The following ADAMTSL3 variants were observed in gnomAD, a reference collection of about 807,000 sequenced individuals.
ADAMTSL3 encodes the protein ADAMTS-like protein 3.
A neutral mutation model predicts 201.7 loss-of-function variants in ADAMTSL3; 128 were observed. The observed-to-expected ratio is 0.63, with a 90% CI of 0.55 to 0.73. ADAMTSL3 has a LOEUF of 0.73. Ranked by LOEUF, ADAMTSL3 falls within the 30% of genes least tolerant of loss-of-function variation. The pLI, the probability that ADAMTSL3 is intolerant of heterozygous loss-of-function variation, is 0.00. For missense variants in ADAMTSL3, 1,990 were observed against 2,119.6 expected (o/e 0.94, Z 1.20); for synonymous variants, 738 against 748.4 (o/e 0.99, Z 0.23).
At chr15:83,819,059 T>C (rs1596262713) in intron 5 of ADAMTSL3, among the ~76,000 whole-genome samples, 1 of 151,824 alleles carries the variant, frequency 6.6e-6, no homozygotes. Context: ...GATCATGAGG[T>C]GGGAGAGCCA....
chr15:83,931,695 C>T (rs1028293149), intron 17 of ADAMTSL3, among the ~76,000 whole-genome samples: 17 of 152,000 alleles, frequency 1.1e-4, no homozygotes, highest in Admixed American at 9.2e-4. Flanking sequence ...TAAAAGGGGG[C>T]CTATCAAAGA....
At chr15:83,711,080 G>A (rs1488873124) in intron 3 of ADAMTSL3, among the ~76,000 whole-genome samples, 1 of 152,000 alleles carries the variant, frequency 6.6e-6, no homozygotes, top group Non-Finnish European at 1.5e-5. Flanking sequence ...TCTTTTAAAT[G>A]CCTTTTTTCT....
rs140735694 is a variant in ADAMTSL3, at chr15:83,699,886, T to G, written c.70-4503T>G. Among the ~76,000 whole-genome samples the G allele has an allele frequency of 4.3e-3, 662 of 152,332 alleles. 4 individuals carry two copies. Among genetic ancestry groups the G allele is most frequent in the African/African-American group, 0.014 (598 of 41,572 alleles). ...CCTTTTTTGACCATCTTATCTAAAA[T>G]TGAACAGTCCTCTCCCAACATTATT... On this transcript the variant is annotated intron_variant, in intron 2 of 29. Coordinates refer to ENST00000286744, the MANE Select transcript of ADAMTSL3 (RefSeq NM_207517.3).
chr15:83,965,927 A>G (rs2067074561), intron 19 of ADAMTSL3, among the ~76,000 whole-genome samples: 1 of 152,230 alleles, frequency 6.6e-6, no homozygotes, highest in Non-Finnish European at 1.5e-5. Flanking sequence ...CTGCTCCTGA[A>G]TGACTACTGG....
At chr15:84,017,008 C>T (rs1263686598) in intron 25 of ADAMTSL3, among the ~76,000 whole-genome samples, 3 of 152,260 alleles carry the variant, frequency 2.0e-5, no homozygotes, top group Non-Finnish European at 1.5e-5. Flanking sequence ...ATGCTAGAAA[C>T]GCAGGAAACC....
chr15:83,769,786 C>CT lies in ADAMTSL3; in HGVS notation c.190-3722dup, dbSNP rs763339984. On this transcript the variant is annotated intron_variant, in intron 3 of 29. Transcript: ENST00000286744. The stretch of plus-strand genomic sequence containing the variant: ...AGGTCCCTCTTTTAATTTAATTTTT[C>CT]TTTTTTTTTTTTTTTGGTTAGATGA... Among the ~76,000 whole-genome samples the CT allele has an allele frequency of 5.9e-3, 797 of 135,066 alleles. 2 individuals carry two copies. Among genetic ancestry groups the CT allele is most frequent in the African/African-American group, 0.014 (523 of 37,206 alleles). The allele number at this position is 135,066 out of a possible 152,430, so 88.6% of individuals were successfully genotyped here.
At chr15:83,905,735 T>G (rs141392778) in intron 15 of ADAMTSL3, among the ~76,000 whole-genome samples, 1 of 152,314 alleles carries the variant, frequency 6.6e-6, no homozygotes, top group East Asian at 1.9e-4. Context: ...AATTGTCTCA[T>G]TGGACATATT....
intron 27 of ADAMTSL3, among the ~76,000 whole-genome samples, chr15:84,025,982 TC>T (rs1245393982): frequency 6.6e-6 from 1 of 152,198 alleles, no homozygotes; most frequent in Non-Finnish European, 1.5e-5. Flanking sequence ...GTAATACAAT[TC>T]CTATTAACAT....
chr15:83,881,690 A>G (rs2065274348), intron 9 of ADAMTSL3, among the ~76,000 whole-genome samples: 1 of 151,602 alleles, frequency 6.6e-6, no homozygotes, highest in African/African-American at 2.4e-5. Flanking sequence ...CTGCATCTCT[A>G]CTAAAAATAC....
At chr15:83,955,658 C>T (rs2066846761) in intron 19 of ADAMTSL3, among the ~76,000 whole-genome samples, 5 of 152,184 alleles carry the variant, frequency 3.3e-5, no homozygotes. Flanking sequence ...TGGTCTTTCT[C>T]TTCAAGGCAG....
chr15:83,811,014 C>T (rs536947866), intron 5 of ADAMTSL3, among the ~76,000 whole-genome samples: 62 of 152,308 alleles, frequency 4.1e-4, no homozygotes, highest in African/African-American at 1.4e-3. Context: ...GCTGGGATTA[C>T]AGGCATGAGC....
At chr15:83,841,844 G>C (rs2064382742) in intron 7 of ADAMTSL3, among the ~76,000 whole-genome samples, 1 of 151,738 alleles carries the variant, frequency 6.6e-6, no homozygotes, top group South Asian at 2.1e-4. Flanking sequence ...AAAACCCCAA[G>C]ACCCTAGCAG....
chr15:83,804,795 C>A, intron 5 of ADAMTSL3, 100 bp downstream of exon 5: 1 of 854,124 alleles, frequency 1.2e-6, no homozygotes, highest in Non-Finnish European at 1.7e-6. Flanking sequence ...CTCTTAATAC[C>A]CTTTGTGGAA....
At chr15:83,677,878 T>G (rs2061427864) in intron 2 of ADAMTSL3, among the ~76,000 whole-genome samples, 1 of 152,050 alleles carries the variant, frequency 6.6e-6, no homozygotes, top group African/African-American at 2.4e-5. Flanking sequence ...TGCCTTCCTG[T>G]GGGTTACTTG....
At chr15:83,875,983 C>T (rs1320974825) in intron 9 of ADAMTSL3, among the ~76,000 whole-genome samples, 1 of 151,770 alleles carries the variant, frequency 6.6e-6, no homozygotes, top group Non-Finnish European at 1.5e-5. Flanking sequence ...CCTTTTCTCT[C>T]TTTTTTTCTT....
chr15:83,707,254 T>G (rs1032680776), intron 3 of ADAMTSL3, among the ~76,000 whole-genome samples: 21 of 152,338 alleles, frequency 1.4e-4, no homozygotes, highest in African/African-American at 4.8e-4. Flanking sequence ...ATCTACCTTA[T>G]GTAGGCGTTA....
chr15:83,830,110 A>G (rs976226817), intron 6 of ADAMTSL3, among the ~76,000 whole-genome samples: 3 of 152,200 alleles, frequency 2.0e-5, no homozygotes, highest in African/African-American at 7.2e-5. Flanking sequence ...TTAAGTAGAT[A>G]GATAGTGAGA....
intron 3 of ADAMTSL3, among the ~76,000 whole-genome samples, chr15:83,724,498 T>C (rs1018141646): frequency 2.6e-5 from 4 of 152,140 alleles, no homozygotes; most frequent in African/African-American, 9.7e-5. Flanking sequence ...AATAATCACA[T>C]CAGGGTAAAT....
intron 3 of ADAMTSL3, among the ~76,000 whole-genome samples, chr15:83,733,296 G>A (rs2062312504): frequency 6.6e-6 from 1 of 152,138 alleles, no homozygotes; most frequent in South Asian, 2.1e-4. Flanking sequence ...GAAATGAATG[G>A]ACAAAACTAA....
Sources: gnomAD v4.1 joint callset for allele counts (sites outside exome capture counted in the v4.1 genomes callset) on GRCh38, gnomAD v4.1.1 for gene constraint, MANE v1.5 for transcripts, NCBI Gene and HGNC (gene_info 2026-07-23, HGNC 2026-07-21) for gene names.